The following BAZ2B variants were observed in gnomAD, a reference collection of about 807,000 sequenced individuals.
BAZ2B encodes the protein bromodomain adjacent to zinc finger domain 2B.
In BAZ2B, 91 loss-of-function variants were observed where a neutral mutation model predicts 246.0. That is an observed-to-expected ratio of 0.37 (90% CI 0.31 to 0.44). The LOEUF (loss-of-function observed/expected upper bound fraction) is 0.44, where lower values mean the gene tolerates loss of function less well. Among genes scored for constraint, BAZ2B ranks in the 20% least tolerant of loss-of-function variants. The pLI, the probability that BAZ2B is intolerant of heterozygous loss-of-function variation, is 1.00. For missense variants in BAZ2B, 2,332 were observed against 2,533.7 expected (o/e 0.92, Z 1.71); for synonymous variants, 855 against 860.0 (o/e 0.99, Z 0.10).
At chr2:159,327,022 T>A (rs922089528) in intron 34 of BAZ2B, among the ~76,000 whole-genome samples, 7 of 151,674 alleles carry the variant, frequency 4.6e-5, no homozygotes, top group Non-Finnish European at 8.8e-5. Context: ...AGTCACATAA[T>A]CAGTGTAGCA....
downstream of BAZ2B, among the ~76,000 whole-genome samples, chr2:159,317,093 T>C (rs1449641126): frequency 1.3e-5 from 2 of 152,216 alleles, no homozygotes; most frequent in African/African-American, 4.8e-5. Flanking sequence ...CACAAACCTC[T>C]TTCATTTCTC....
chr2:159,490,912 T>A (rs1460860460), intron 2 of BAZ2B, among the ~76,000 whole-genome samples: 1 of 152,122 alleles, frequency 6.6e-6, no homozygotes. Context: ...TAGGCAAGAT[T>A]GACAACAAAA....
At chr2:159,478,174 T>C (rs1157593322) in intron 3 of BAZ2B, among the ~76,000 whole-genome samples, 2 of 152,190 alleles carry the variant, frequency 1.3e-5, no homozygotes, top group African/African-American at 2.4e-5. Context: ...GTAAATGATC[T>C]GCCTTAGTAT....
intron 35 of BAZ2B, 47 bp from the exon 36 acceptor site, chr2:159,325,001 C>G: frequency 8.2e-7 from 1 of 1,217,982 alleles, no homozygotes; most frequent in Non-Finnish European, 1.0e-6. Flanking sequence ...TTACAACTGT[C>G]TTATTTTTTA....
chr2:159,552,811 T>C (rs1392716144), intron 2 of BAZ2B, among the ~76,000 whole-genome samples: 3 of 152,208 alleles, frequency 2.0e-5, no homozygotes, highest in African/African-American at 7.2e-5. Context: ...AATACAATTA[T>C]GTTATCAGTA....
At chr2:159,545,502 T>C (rs931352955) in intron 2 of BAZ2B, among the ~76,000 whole-genome samples, 1 of 152,182 alleles carries the variant, frequency 6.6e-6, no homozygotes, top group African/African-American at 2.4e-5. Flanking sequence ...TTCAAGTTGT[T>C]AAAATATATA....
chr2:159,343,378 G>A (rs1439249573), intron 31 of BAZ2B, among the ~76,000 whole-genome samples: 5 of 152,064 alleles, frequency 3.3e-5, no homozygotes, highest in African/African-American at 1.2e-4. Flanking sequence ...ACAGGTAACA[G>A]AAGCAAAAAT....
intron 14 of BAZ2B, among the ~76,000 whole-genome samples, chr2:159,408,876 G>A (rs764776159): frequency 3.9e-5 from 6 of 152,014 alleles, no homozygotes; most frequent in African/African-American, 7.2e-5. Flanking sequence ...CTGAGATCGC[G>A]CCATTGCACT....
At chr2:159,638,733 A>G in the BAZ2B span, among the ~76,000 whole-genome samples, 2 of 152,132 alleles carry the variant, frequency 1.3e-5, no homozygotes, top group South Asian at 4.1e-4. Context: ...TAAAAATACA[A>G]TGAGGCATGC....
the BAZ2B span, among the ~76,000 whole-genome samples, chr2:159,645,046 A>G: frequency 6.6e-6 from 1 of 152,146 alleles, no homozygotes; most frequent in Admixed American, 6.5e-5. Flanking sequence ...AGCCCAAGGC[A>G]GGTGGATTGC....
At chr2:159,619,546 TA>T, upstream of BAZ2B, among the ~76,000 whole-genome samples, 1 of 150,716 alleles carries the variant, frequency 6.6e-6, no homozygotes, top group South Asian at 2.1e-4. Context: ...ATAAAAATAA[TA>T]AAAACTTTAA....
the BAZ2B span, among the ~76,000 whole-genome samples, chr2:159,692,882 G>A: frequency 6.6e-6 from 1 of 152,140 alleles, no homozygotes; most frequent in African/African-American, 2.4e-5. Flanking sequence ...GAGTACAATA[G>A]CTCACAGCCT....
chr2:159,478,489 G>T, intron 3 of BAZ2B, 86 bp downstream of exon 3: 1 of 1,386,492 alleles, frequency 7.2e-7, no homozygotes, highest in Non-Finnish European at 9.6e-7. Flanking sequence ...CAAGTCATGA[G>T]AATATTTTAT....
At chr2:159,700,941 T>C in the BAZ2B span, among the ~76,000 whole-genome samples, 4 of 152,208 alleles carry the variant, frequency 2.6e-5, no homozygotes, top group Admixed American at 2.6e-4. Flanking sequence ...TAGAGAAAGA[T>C]GTTCAAATAA....
intron 27 of BAZ2B, among the ~76,000 whole-genome samples, chr2:159,354,630 T>C (rs1325290478): frequency 1.3e-5 from 2 of 151,934 alleles, no homozygotes; most frequent in African/African-American, 2.4e-5. Context: ...GGATTACAGG[T>C]GTGAGCCACC....
At chr2:159,680,180 G>GA in the BAZ2B span, among the ~76,000 whole-genome samples, 1 of 152,158 alleles carries the variant, frequency 6.6e-6, no homozygotes, top group East Asian at 1.9e-4. Flanking sequence ...GTATACAAGA[G>GA]AAAAAAGTAT....
At chr2:159,328,954 C>T (rs540077949) in intron 34 of BAZ2B, among the ~76,000 whole-genome samples, 1 of 151,864 alleles carries the variant, frequency 6.6e-6, no homozygotes, top group Non-Finnish European at 1.5e-5. Flanking sequence ...ATGGCAAAAC[C>T]CCATCTCTAC....
chr2:159,325,115 TTTTATATATATATA>T (rs2063468550), intron 35 of BAZ2B, among the ~76,000 whole-genome samples, 161 bp from the exon 36 acceptor site: 1 of 3,304 alleles, frequency 3.0e-4, no homozygotes, highest in Non-Finnish European at 6.2e-4. Context: ...TATATATATA[TTTTATATATATATA>T]TATATATATA....
At chr2:159,416,564 T>C (rs2067755385) in intron 13 of BAZ2B, among the ~76,000 whole-genome samples, 1 of 152,244 alleles carries the variant, frequency 6.6e-6, no homozygotes, top group African/African-American at 2.4e-5. Flanking sequence ...TTAAAGTATC[T>C]TATTAATAAC....
Sources: allele counts gnomAD v4.1 joint callset (sites outside exome capture counted in the v4.1 genomes callset), GRCh38; gene constraint gnomAD v4.1.1; transcripts MANE v1.5; gene names NCBI Gene and HGNC (gene_info 2026-07-23, HGNC 2026-07-21).